CCNA1: variants seen among roughly 807,000 people sequenced by gnomAD.
CCNA1 encodes cyclin A1.
A neutral mutation model predicts 54.1 loss-of-function variants in CCNA1; 23 were observed. The ratio of observed to expected loss-of-function variants is 0.42; its 90% confidence interval spans 0.31 to 0.60. The LOEUF (loss-of-function observed/expected upper bound fraction) is 0.60. Among genes scored for constraint, CCNA1 ranks in the 20% least tolerant of loss-of-function variants. CCNA1 has a pLI of 0.14. For missense variants in CCNA1, 450 were observed against 556.7 expected (o/e 0.81, Z 1.93); for synonymous variants, 208 against 213.9 (o/e 0.97, Z 0.24).
intron 2 of CCNA1, among the ~76,000 whole-genome samples, chr13:36,435,026 C>A (rs2055784971): frequency 6.6e-6 from 1 of 152,236 alleles, no homozygotes; most frequent in Non-Finnish European, 1.5e-5. Context: ...ACCCTGGAAT[C>A]TGGACCACAG....
intron 4 of CCNA1, among the ~76,000 whole-genome samples, chr13:36,438,409 A>G (rs1243495770): frequency 1.3e-5 from 2 of 152,176 alleles, no homozygotes; most frequent in East Asian, 1.9e-4. Flanking sequence ...TTTCACTCTT[A>G]GGAATAATTC....
intron 5 of CCNA1, among the ~76,000 whole-genome samples, chr13:36,439,209 A>T (rs2055846066): frequency 6.6e-6 from 1 of 152,226 alleles, no homozygotes; most frequent in Admixed American, 6.5e-5. Flanking sequence ...GGTTACAAAA[A>T]GCTATCTTCA....
Position 36,437,804 on chromosome 13 carries a change from T to A in CCNA1, c.473T>A (p.Phe158Tyr). Residue 158 changes from phenylalanine to tyrosine, a missense_variant, in exon 3 of 9, where the codon TTT becomes TAT. By Grantham distance (22) the Phe-to-Tyr change is conservative. This residue lies in a region of CCNA1 where 103 missense variants were observed against 92.9 expected (regional missense o/e 1.11). Coordinates refer to ENST00000255465, the MANE Select transcript of CCNA1 (RefSeq NM_003914.4). ...TGCTCGGTCAGAGAGGGGATGGCAT[T>A]TGAGGATGTGTATGAAGTAGACACC... The A allele has an allele frequency of 1.2e-6, 2 of 1,614,056 alleles. No homozygotes were observed. Among genetic ancestry groups the A allele is most frequent in the Non-Finnish European group, 1.7e-6 (2 of 1,180,010 alleles).
In CCNA1 at chr13:36,438,838, C is replaced by T. The variant is rs147834946; in HGVS notation, c.864C>T (p.Leu288=). 77 of 1,613,836 alleles carry T rather than the reference C, an allele frequency of 4.8e-5. No individual in the cohort carries two copies. The highest frequency in any genetic ancestry group is 4.8e-5 in the Non-Finnish European group (57 of 1,179,914). ...CTGTTCTGAGAGGGAAACTGCAGCT[C>T]GTAGGAACAGCAGCTATGCTTTTGG... Residue 288 remains leucine, a synonymous_variant, in exon 5 of 9, where the codon CTC becomes CTT. Coordinates refer to ENST00000255465, the MANE Select transcript of CCNA1 (RefSeq NM_003914.4).
At chr13:36,441,271 A>G (rs756349933) in intron 7 of CCNA1, 40 bp downstream of exon 7, 23 of 1,261,420 alleles carry the variant, frequency 1.8e-5, no homozygotes, top group Non-Finnish European at 2.6e-5. Context: ...TTCAAGGTCT[A>G]TCTAGAATGG....
Position 36,438,688 on chromosome 13 carries a change from C to T in CCNA1, c.714C>T (p.Asp238=). Reference sequence around the variant, plus strand: ...CACACTACATGAAGAAGCAGCCAGACATCACGGAAGGCATGCGCACGATTC... The same window carrying T: ...CACACTACATGAAGAAGCAGCCAGATATCACGGAAGGCATGCGCACGATTC... The change falls in exon 5 of 9, where the codon GAC becomes GAT. Residue 238 remains aspartate (D), a synonymous_variant. Transcript: ENST00000255465. 2 of 1,614,102 alleles carry T rather than the reference C, an allele frequency of 1.2e-6. No individual in the cohort carries two copies. Among genetic ancestry groups the T allele is most frequent in the South Asian group, 2.2e-5 (2 of 91,084 alleles).
rs2055857282 is a variant in CCNA1, at chr13:36,440,116, C to G, written c.1031C>G (p.Thr344Ser). Residue 344 changes from threonine (T) to serine (S), a missense_variant, in exon 6 of 9, where the codon ACC (threonine) becomes AGC (serine). Physicochemically the swap from Thr to Ser is moderately conservative, Grantham distance 58. Around this residue, in one of 6 missense-constraint regions of CCNA1, gnomAD observed 150 missense variants for 219.7 expected, o/e 0.68. Coordinates refer to ENST00000255465, the MANE Select transcript of CCNA1 (RefSeq NM_003914.4). ...GCTTTTGATCTGACAGTACCAACCA[C>G]CAACCAGTTTCTCCTTCAGTACTTG... 1.9e-6 allele frequency: 3 copies of G among 1,614,122 alleles called. No homozygotes were observed. The highest frequency in any genetic ancestry group is 2.5e-6 in the Non-Finnish European group (3 of 1,179,976).
At chr13:36,434,579 C>T (rs1213489367) in intron 2 of CCNA1, among the ~76,000 whole-genome samples, 1 of 152,136 alleles carries the variant, frequency 6.6e-6, no homozygotes, top group Non-Finnish European at 1.5e-5. Context: ...TTACCTGGTG[C>T]CACTTCTGCA....
At chr13:36,433,373 TCTTTC>T (rs1566169395) in intron 2 of CCNA1, 152 bp downstream of exon 2, 14 of 65,368 alleles carry the variant, frequency 2.1e-4, no homozygotes, top group Middle Eastern at 4.4e-3. Context: ...TGATTTATTT[TCTTTC>T]TTTCTTTCTT....
At chr13:36,434,074 A>G (rs2055770801) in intron 2 of CCNA1, among the ~76,000 whole-genome samples, 1 of 152,196 alleles carries the variant, frequency 6.6e-6, no homozygotes. Flanking sequence ...GGCTGTGCCT[A>G]AAGCAAACCT....
intron 3 of CCNA1, 85 bp from the exon 4 acceptor site, chr13:36,437,982 G>A: frequency 6.4e-7 from 1 of 1,571,664 alleles, no homozygotes; most frequent in Admixed American, 1.8e-5. Flanking sequence ...AGTAATAACT[G>A]TATTCACAAC....
intron 2 of CCNA1, among the ~76,000 whole-genome samples, chr13:36,433,467 C>A (rs1272648458): frequency 8.7e-6 from 1 of 115,430 alleles, no homozygotes; most frequent in Non-Finnish European, 1.9e-5. Flanking sequence ...TCTTTTCTTT[C>A]TCTTTCTTTC....
chr13:36,438,255 T>G (rs1593324531), intron 4 of CCNA1, 64 bp downstream of exon 4: 1 of 1,467,368 alleles, frequency 6.8e-7, no homozygotes, highest in African/African-American at 1.4e-5. Context: ...AGATAAATTA[T>G]AAACTCTTGG....
intron 1 of CCNA1, 53 bp from the exon 2 acceptor site, chr13:36,432,980 C>T (rs1389400965): frequency 6.5e-7 from 1 of 1,546,146 alleles, no homozygotes; most frequent in Non-Finnish European, 8.8e-7. Flanking sequence ...TCCTTGGAGC[C>T]CGGGGTGGAC....
chr13:36,431,658 G>C (rs1178957137), upstream of CCNA1: 1 of 152,376 alleles, frequency 6.6e-6, no homozygotes, highest in Non-Finnish European at 1.5e-5. Flanking sequence ...CACATGCACC[G>C]GGAGCCGGGC....
chr13:36,438,384 T>A (rs2137826901), intron 4 of CCNA1, among the ~76,000 whole-genome samples, 193 bp downstream of exon 4: 1 of 152,160 alleles, frequency 6.6e-6, no homozygotes, highest in East Asian at 1.9e-4. Flanking sequence ...ATTCAAAGGG[T>A]TTATATGTTA....
At position 36,442,596 on chromosome 13, in the gene CCNA1, C is replaced by T; in HGVS notation, c.1347-18C>T. 1 of 1,613,548 alleles carries T rather than the reference C, an allele frequency of 6.2e-7. No homozygotes were observed. Among genetic ancestry groups the T allele is most frequent in the South Asian group, 1.1e-5 (1 of 90,982 alleles). On this transcript the variant is annotated intron_variant, in intron 8 of 8. Coordinates refer to ENST00000255465, the MANE Select transcript of CCNA1 (RefSeq NM_003914.4). ...AAGTCCTTGGCTTGTGCTGACCTTG[C>T]TTTGGGTCTTGTTTCAGGTACCTGT...
chr13:36,440,064 A>T lies in CCNA1; in HGVS notation c.979A>T (p.Met327Leu), dbSNP rs1566173381. The change falls in exon 6 of 9, where the codon ATG (methionine) becomes TTG (leucine). Residue 327 changes from methionine (M) to leucine (L), a missense_variant. Met to Leu is a conservative substitution (Grantham distance 15). Around this residue, in one of 6 missense-constraint regions of CCNA1, gnomAD observed 150 missense variants for 219.7 expected, o/e 0.68. Transcript: ENST00000255465. ...ATACACAAAACGACAACTGTTAAAA[A>T]TGGAACACTTGCTTCTGAAAGTTCT... The T allele has an allele frequency of 6.2e-7, 1 of 1,613,910 alleles. No homozygotes were observed. The highest frequency in any genetic ancestry group is 8.5e-7 in the Non-Finnish European group (1 of 1,179,774).
In CCNA1 at chr13:36,440,046, A is replaced by C; in HGVS notation, c.961A>C (p.Lys321Gln). 7 of 1,613,870 alleles carry C rather than the reference A, an allele frequency of 4.3e-6. No homozygotes were observed. Among genetic ancestry groups the C allele is most frequent in the Non-Finnish European group, 5.9e-6 (7 of 1,179,736 alleles). The stretch of plus-strand genomic sequence containing the variant: ...CTATATCACCGATGATACATACACA[A>C]AACGACAACTGTTAAAAATGGAACA... Residue 321 changes from lysine to glutamine, a missense_variant, in exon 6 of 9, where the codon AAA (lysine) becomes CAA (glutamine). This residue lies in a region of CCNA1 where 150 missense variants were observed against 219.7 expected (regional missense o/e 0.68). Transcript: ENST00000255465.
Sources: gnomAD v4.1 joint callset for allele counts (sites outside exome capture counted in the v4.1 genomes callset) on GRCh38, gnomAD v4.1.1 for gene constraint, gnomAD v4.1.1 regional missense constraint, MANE v1.5 for transcripts, NCBI Gene and HGNC (gene_info 2026-07-23, HGNC 2026-07-21) for gene names.